The following PRKG1 variants were observed in gnomAD, a reference collection of about 807,000 sequenced individuals.
PRKG1 encodes protein kinase cGMP-dependent 1.
In PRKG1, 35 loss-of-function variants were observed where a neutral mutation model predicts 88.1. The ratio of observed to expected loss-of-function variants is 0.40; its 90% CI spans 0.30 to 0.53. The LOEUF (loss-of-function observed/expected upper bound fraction) is 0.53. Among genes scored for constraint, PRKG1 ranks in the 20% least tolerant of loss-of-function variants. The pLI is 0.59. For synonymous variants in PRKG1, 303 were observed against 292.5 expected (o/e 1.04, Z -0.37); for missense variants, 540 against 839.8 (o/e 0.64, Z 4.41).
At chr10:51,460,408 A>G (rs1362722882) in intron 2 of PRKG1, among the ~76,000 whole-genome samples, 2 of 152,168 alleles carry the variant, frequency 1.3e-5, no homozygotes, top group East Asian at 3.8e-4. Context: ...AGAAAAAACA[A>G]TAGAGCAAGA....
chr10:51,143,665 C>T (rs1278064531), intron 1 of PRKG1, among the ~76,000 whole-genome samples: 1 of 152,046 alleles, frequency 6.6e-6, no homozygotes, highest in Non-Finnish European at 1.5e-5. Flanking sequence ...AATAGCCATT[C>T]TAACAGGTGT....
rs550851586 is a variant in PRKG1 at position 51,398,387 on chromosome 10, A to C, written c.479-69336A>C. Among the ~76,000 whole-genome samples the C allele has an allele frequency of 2.9e-3, 437 of 151,944 alleles. 3 individuals are homozygous for C. The highest frequency in any genetic ancestry group is 0.01 in the African/African-American group (419 of 41,238). ...GACAGGAGGAGGAGCTCAGGCGATG[A>C]TGCTCACTCACCTGCTGCTCACCTC... On this transcript the variant is annotated intron_variant, in intron 2 of 17. Transcript: ENST00000373980.
intron 9 of PRKG1, among the ~76,000 whole-genome samples, chr10:52,202,257 AT>A: frequency 6.6e-6 from 1 of 152,076 alleles, no homozygotes. Flanking sequence ...ACATGAAGGG[AT>A]ATTGAATTTT....
chr10:51,746,904 A>G (rs1837596365), intron 3 of PRKG1, among the ~76,000 whole-genome samples: 1 of 152,188 alleles, frequency 6.6e-6, no homozygotes, highest in African/African-American at 2.4e-5. Context: ...AAGTATGCCA[A>G]CGCTTTGCTG....
At chr10:51,564,154 T>C (rs1335146870) in intron 3 of PRKG1, among the ~76,000 whole-genome samples, 1 of 152,072 alleles carries the variant, frequency 6.6e-6, no homozygotes, top group Admixed American at 6.6e-5. Context: ...ATTGCATACC[T>C]ACTACGTGCT....
At chr10:51,677,526 T>A (rs1267889265) in intron 3 of PRKG1, among the ~76,000 whole-genome samples, 4 of 152,202 alleles carry the variant, frequency 2.6e-5, no homozygotes, top group Non-Finnish European at 4.4e-5. Context: ...TTTTCAGGAA[T>A]ATCTGGTTCA....
At chr10:51,265,733 AG>A (rs1839821150) in intron 2 of PRKG1, among the ~76,000 whole-genome samples, 1 of 152,144 alleles carries the variant, frequency 6.6e-6, no homozygotes, top group African/African-American at 2.4e-5. Flanking sequence ...GACCATTCAG[AG>A]ATAAAGAGGT....
chr10:52,210,610 T>C (rs1839945916), intron 9 of PRKG1, among the ~76,000 whole-genome samples: 1 of 152,176 alleles, frequency 6.6e-6, no homozygotes, highest in Non-Finnish European at 1.5e-5. Context: ...TGTGTGCAAA[T>C]ATTGGTCTTC....
chr10:52,112,851 G>A (rs549376528), intron 7 of PRKG1, among the ~76,000 whole-genome samples: 2 of 152,246 alleles, frequency 1.3e-5, no homozygotes, highest in African/African-American at 4.8e-5. Context: ...ATGAAATTAT[G>A]ACTACGGTCG....
intron 3 of PRKG1, among the ~76,000 whole-genome samples, chr10:51,550,637 T>G (rs1000417688): frequency 6.6e-6 from 1 of 152,018 alleles, no homozygotes; most frequent in African/African-American, 2.4e-5. Flanking sequence ...TCTCATCAAA[T>G]TAGTAGATCA....
At chr10:51,760,378 A>T (rs1194477523) in intron 3 of PRKG1, among the ~76,000 whole-genome samples, 1 of 152,150 alleles carries the variant, frequency 6.6e-6, no homozygotes, top group Non-Finnish European at 1.5e-5. Context: ...ATACAAATAC[A>T]TAGCTATTTA....
intron 1 of PRKG1, among the ~76,000 whole-genome samples, chr10:51,082,228 A>G (rs1460169633): frequency 1.3e-5 from 2 of 152,166 alleles, no homozygotes; most frequent in African/African-American, 2.4e-5. Flanking sequence ...CTCCTTAGCC[A>G]CTAGGCTCTC....
chr10:51,092,911 C>G (rs986916215), intron 1 of PRKG1, among the ~76,000 whole-genome samples: 18 of 152,106 alleles, frequency 1.2e-4, no homozygotes, highest in Admixed American at 4.6e-4. Context: ...GGATAAATAA[C>G]TAGGTATAAA....
At chr10:51,924,907 T>G (rs1842540017) in intron 5 of PRKG1, among the ~76,000 whole-genome samples, 1 of 151,792 alleles carries the variant, frequency 6.6e-6, no homozygotes, top group African/African-American at 2.4e-5. Context: ...CCTAGAGTTT[T>G]CATTTCTCTG....
Position 51,357,220 on chromosome 10 carries a change from T to C in PRKG1, c.479-110503T>C, listed in dbSNP as rs535454142. 2.0e-5 allele frequency among the ~76,000 whole-genome samples: 3 copies of C among 152,154 alleles called. No homozygotes were observed. The East Asian group carries it at 5.8e-4, about 29-fold the overall frequency. On this transcript the variant is annotated intron_variant, in intron 2 of 17. Transcript: ENST00000373980. ...CATTGCAAGTAGGCAAGTAGATTTT[T>C]AGGCTTAGCAGTCTCTTTCTGAGGT...
chr10:51,584,451 G>A (rs1838121946), intron 3 of PRKG1, among the ~76,000 whole-genome samples: 1 of 151,970 alleles, frequency 6.6e-6, no homozygotes, highest in South Asian at 2.1e-4. Context: ...TAATATCAAA[G>A]TAATAAATGA....
At chr10:51,098,292 T>C (rs1172998247) in intron 1 of PRKG1, among the ~76,000 whole-genome samples, 1 of 152,194 alleles carries the variant, frequency 6.6e-6, no homozygotes, top group Non-Finnish European at 1.5e-5. Context: ...CAAATATGTA[T>C]AGTACTGCTA....
intron 9 of PRKG1, among the ~76,000 whole-genome samples, chr10:52,166,845 A>ATATATGTATATATATGTATATATATC (rs1564498595): frequency 9.0e-6 from 1 of 111,548 alleles, no homozygotes; most frequent in African/African-American, 3.2e-5. Flanking sequence ...ATATGTATAT[A>ATATATGTATATATATGTATATATATC]TATGTCTATA....
intron 1 of PRKG1, among the ~76,000 whole-genome samples, chr10:51,022,111 A>G (rs2132736203): frequency 1.3e-5 from 2 of 152,334 alleles, no homozygotes; most frequent in African/African-American, 4.8e-5. Context: ...AATTCTAGTC[A>G]TTACTGGAGT....
Sources: allele counts gnomAD v4.1 joint callset (sites outside exome capture counted in the v4.1 genomes callset), GRCh38; gene constraint gnomAD v4.1.1; transcripts MANE v1.5; gene names NCBI Gene and HGNC (gene_info 2026-07-23, HGNC 2026-07-21).